PFKFB2: variants seen among roughly 807,000 people sequenced by gnomAD.
PFKFB2 encodes the protein 6-phosphofructo-2-kinase/fructose-2,6-biphosphatase 2, also known as 6-phosphofructo-2-kinase/fructose-2,6-bisphosphatase 2.
Under a neutral mutation model 68.0 loss-of-function variants are expected in PFKFB2, and 53 were observed. That is an observed-to-expected ratio of 0.78 (90% confidence interval 0.63 to 0.98). The LOEUF (loss-of-function observed/expected upper bound fraction) is 0.98, where lower values mean the gene tolerates loss of function less well. Among genes scored for constraint, PFKFB2 ranks in the 50% least tolerant of loss-of-function variants. The probability of loss-of-function intolerance (pLI) is 0.00; values close to 1 mark genes in which losing one functional copy is unlikely to be tolerated. For synonymous variants in PFKFB2, 222 were observed against 227.6 expected (o/e 0.98, Z 0.22); for missense variants, 451 against 642.0 (o/e 0.70, Z 3.22).
chr1:207,077,329 A>G lies in PFKFB2; in HGVS notation c.*4958A>G, dbSNP rs1558069299. ...AAATGAGAAGAAAATTTGGCATTTA[A>G]AAATTGATTTTAAGGGTTGGCAAAA... is the stretch of plus-strand genomic sequence containing the variant. On this transcript the variant is annotated 3_prime_UTR_variant, in exon 15 of 15. Coordinates refer to ENST00000367080, the MANE Select transcript of PFKFB2 (RefSeq NM_006212.2). 2.0e-6 allele frequency: 2 copies of G among 985,276 alleles called. No individual in the cohort carries two copies. The highest frequency in any genetic ancestry group is 4.7e-5 in the South Asian group (1 of 21,288). The allele number at this position is 985,276 out of a possible 1,614,324, so 61.0% of individuals were successfully genotyped here. A position where few individuals can be genotyped will look rare whatever the true frequency, so the allele number is the denominator to read the frequency against.
upstream of PFKFB2, among the ~76,000 whole-genome samples, chr1:207,050,019 C>A (rs1682698236): frequency 6.6e-6 from 1 of 152,296 alleles, no homozygotes; most frequent in East Asian, 1.9e-4. Flanking sequence ...ATTTCCTTTC[C>A]TTATACAGTA....
chr1:207,035,293 C>T, intron 1 of PFKFB2: 1 of 605,666 alleles, frequency 1.7e-6, no homozygotes, highest in African/African-American at 2.0e-5. Context: ...CCTCTAAGTG[C>T]ACATGCAAGG....
Position 207,054,931 on chromosome 1 carries a change from G to A in PFKFB2, c.85+129G>A, listed in dbSNP as rs1051064798. 2.1e-5 allele frequency: 14 copies of A among 670,884 alleles called. No homozygotes were observed. The Middle Eastern group carries it at 2.3e-3, about 108-fold the overall frequency. The allele number at this position is 670,884 out of a possible 1,614,324, so 41.6% of individuals were successfully genotyped here. On this transcript the variant is annotated intron_variant, in intron 2 of 14. Transcript: ENST00000367080. ...ATTTGACATGGAAATTTAATGCAAA[G>A]TCTCCAGGGTAGAATGTCCTGTCTA...
At chr1:207,038,076 C>T (rs1012894779) in intron 1 of PFKFB2, among the ~76,000 whole-genome samples, 2 of 152,150 alleles carry the variant, frequency 1.3e-5, no homozygotes, top group Non-Finnish European at 2.9e-5. Flanking sequence ...AGGGCAGTTA[C>T]AGTAAATTTT....
intron 2 of PFKFB2, 173 bp downstream of exon 2, chr1:207,054,975 A>C (rs1445769778): frequency 1.8e-6 from 1 of 567,258 alleles, no homozygotes; most frequent in African/African-American, 1.9e-5. Flanking sequence ...AGACTTAGTG[A>C]AATGTCTGTT....
In PFKFB2 at chr1:207,076,839, G is replaced by A. The variant is rs937240356; in HGVS notation, c.*4468G>A. On this transcript the variant is annotated 3_prime_UTR_variant, in exon 15 of 15. Transcript: ENST00000367080. ...GGTGTTGCCTGACTAACGGTCTAGG[G>A]TCTGTAAGCTGACAGTCTGCCTGCT... 5 of 985,260 alleles carry A rather than the reference G, an allele frequency of 5.1e-6. No individual in the cohort carries two copies. The African/African-American group carries it at 8.7e-5, about 17-fold the overall frequency. The allele number at this position is 985,260 out of a possible 1,614,324, so 61.0% of individuals were successfully genotyped here.
intron 2 of PFKFB2, among the ~76,000 whole-genome samples, chr1:207,057,791 A>G (rs1682974658): frequency 6.6e-6 from 1 of 152,198 alleles, no homozygotes; most frequent in Non-Finnish European, 1.5e-5. Flanking sequence ...TAAATAAGTT[A>G]CTGTCTTGTG....
In PFKFB2 at chr1:207,063,960, TG is replaced by T. The variant is rs1683205190; in HGVS notation, c.507+132del. 1 of 729,440 alleles carries T rather than the reference TG, an allele frequency of 1.4e-6. No individual in the cohort carries two copies. The highest frequency in any genetic ancestry group is 1.7e-5 in the African/African-American group (1 of 58,028). The allele number at this position is 729,440 out of a possible 1,614,324, so 45.2% of individuals were successfully genotyped here. ...TCGTAATGAAAGAGAGAAATAGACA[TG>T]TTTAACATCACAAAGAGATCTTTTC... On this transcript the variant is annotated intron_variant, in intron 7 of 14. Coordinates refer to ENST00000367080, the MANE Select transcript of PFKFB2 (RefSeq NM_006212.2). The surrounding 1 kb of genome is among the most constrained non-coding windows in gnomAD (Gnocchi z 4.1).
chr1:207,043,189 T>A (rs892508004), intron 2 of PFKFB2, among the ~76,000 whole-genome samples: 5 of 152,164 alleles, frequency 3.3e-5, no homozygotes, highest in African/African-American at 1.2e-4. Flanking sequence ...GCACAATTAA[T>A]CATTCAATAA....
chr1:207,067,473 A>AT lies in PFKFB2; in HGVS notation c.633-16dup, dbSNP rs139506084. On this transcript the variant is annotated intron_variant, in intron 8 of 14. Coordinates refer to ENST00000367080, the MANE Select transcript of PFKFB2 (RefSeq NM_006212.2). ...ATTCTCAGATCTTCTTACCTAGGGAATTTTTTTTTTCCTTTCCTGTCCCAG... is the reference window on the plus strand; with the variant it reads ...ATTCTCAGATCTTCTTACCTAGGGAATTTTTTTTTTTCCTTTCCTGTCCCAG... 2,929 of 1,445,580 alleles carry AT rather than the reference A, an allele frequency of 2.0e-3. 1 individual carries two copies. The highest frequency in any genetic ancestry group is 3.2e-3 in the East Asian group (134 of 42,206). 89.5% of individuals were successfully genotyped at this position (1,445,580 alleles called of 1,614,324 possible).
Position 207,073,736 on chromosome 1 carries a change from A to G in PFKFB2, c.*1365A>G. 1 of 985,120 alleles carries G rather than the reference A, an allele frequency of 1.0e-6. No individual in the cohort carries two copies. The highest frequency in any genetic ancestry group is 1.2e-6 in the Non-Finnish European group (1 of 829,660). The allele number at this position is 985,120 out of a possible 1,614,324, so 61.0% of individuals were successfully genotyped here. A position where few individuals can be genotyped will look rare whatever the true frequency, so the allele number is the denominator to read the frequency against. On this transcript the variant is annotated 3_prime_UTR_variant, in exon 15 of 15. Coordinates refer to ENST00000367080, the MANE Select transcript of PFKFB2 (RefSeq NM_006212.2). ...CATTTCATTTTCTTTGTAGGGTTAA[A>G]CAGAAAATGTTTAGGGAAGAAATTC... is the stretch of plus-strand genomic sequence containing the variant.
At chr1:207,050,511 G>A (rs1032499174), upstream of PFKFB2, among the ~76,000 whole-genome samples, 5 of 152,200 alleles carry the variant, frequency 3.3e-5, no homozygotes, top group African/African-American at 1.2e-4. Context: ...ACAAGGAGTT[G>A]CTAGACACTT....
chr1:207,073,969 A>G lies in PFKFB2; in HGVS notation c.*1598A>G, dbSNP rs1036166588. On this transcript the variant is annotated 3_prime_UTR_variant, in exon 15 of 15. Transcript: ENST00000367080. ...TTAGCTATTTTCCAAGGGTGTTTTCATTTGGTAATGGAAGACTTTTTGCTG... is the reference window on the plus strand; with the variant it reads ...TTAGCTATTTTCCAAGGGTGTTTTCGTTTGGTAATGGAAGACTTTTTGCTG... 13 of 985,318 alleles carry G rather than the reference A, an allele frequency of 1.3e-5. No individual in the cohort carries two copies. The highest frequency in any genetic ancestry group is 1.6e-5 in the Non-Finnish European group (13 of 829,828). 61.0% of individuals were successfully genotyped at this position (985,318 alleles called of 1,614,324 possible). A position where few individuals can be genotyped will look rare whatever the true frequency, so the allele number is the denominator to read the frequency against.
Position 207,063,021 on chromosome 1 carries a change from A to G in PFKFB2, c.309-122A>G, listed in dbSNP as rs1304276786. On this transcript the variant is annotated intron_variant, in intron 4 of 14. Transcript: ENST00000367080. The surrounding 1 kb of genome is among the most constrained non-coding windows in gnomAD (Gnocchi z 4.1). ...GAAAGTTGAAAGATCTAGTTAGAGA[A>G]AGGTTTTGAACAGTGGGAAACTAAG... 4.8e-6 allele frequency: 4 copies of G among 841,058 alleles called. No individual in the cohort carries two copies. The East Asian group carries it at 9.7e-5, about 20-fold the overall frequency. The allele number at this position is 841,058 out of a possible 1,614,324, so 52.1% of individuals were successfully genotyped here. A position where few individuals can be genotyped will look rare whatever the true frequency, so the allele number is the denominator to read the frequency against.
chr1:207,059,982 T>C (rs1235085179), intron 2 of PFKFB2, among the ~76,000 whole-genome samples: 1 of 152,202 alleles, frequency 6.6e-6, no homozygotes, highest in African/African-American at 2.4e-5. Flanking sequence ...AAGGTGTTTC[T>C]TCCTTTTTCC....
At chr1:207,061,597 A>G (rs143313693) in intron 2 of PFKFB2, among the ~76,000 whole-genome samples, 81 of 152,096 alleles carry the variant, frequency 5.3e-4, no homozygotes, top group Admixed American at 2.3e-3. Context: ...ACCTTACTAG[A>G]CCCCAGCGGG....
rs570891767 is a variant in PFKFB2 at position 207,068,754 on chromosome 1, T to C, written c.987+445T>C. 3.0e-5 allele frequency among the ~76,000 whole-genome samples: 4 copies of C among 131,806 alleles called. No individual in the cohort carries two copies. The East Asian group carries it at 5.8e-4, about 19-fold the overall frequency. The allele number at this position is 131,806 out of a possible 152,430, so 86.5% of individuals were successfully genotyped here. A position where few individuals can be genotyped will look rare whatever the true frequency, so the allele number is the denominator to read the frequency against. ...TACAAAAGTAGACATTTCTTTCTTT[T>C]TTTTTTTTTGTGACACGGAGTCTCG... On this transcript the variant is annotated intron_variant, in intron 10 of 14. Transcript: ENST00000367080.
chr1:207,054,679 A>T (rs1395781552), intron 1 of PFKFB2, 22 bp from the exon 2 acceptor site: 1 of 1,506,438 alleles, frequency 6.6e-7, no homozygotes, highest in Non-Finnish European at 9.2e-7. Flanking sequence ...TCCCTTTTTT[A>T]CATTCTACTT....
chr1:207,041,236 T>C (rs1166048923), intron 1 of PFKFB2, among the ~76,000 whole-genome samples: 1 of 151,746 alleles, frequency 6.6e-6, no homozygotes, highest in African/African-American at 2.4e-5. Context: ...CCAGATTTTT[T>C]TTTTTTTTTA....
Sources: gnomAD v4.1 joint callset for allele counts (sites outside exome capture counted in the v4.1 genomes callset) on GRCh38, gnomAD v4.1.1 for gene constraint, Gnocchi (gnomAD v3.1) non-coding constraint, MANE v1.5 for transcripts, NCBI Gene and HGNC (gene_info 2026-07-23, HGNC 2026-07-21) for gene names.